KCNB2: variants seen among roughly 807,000 people sequenced by gnomAD.
KCNB2 encodes potassium voltage-gated channel subfamily B member 2, also known as delayed rectifier potassium channel protein.
Under a neutral mutation model 61.5 loss-of-function variants are expected in KCNB2, and 15 were observed. The observed-to-expected ratio is 0.24, with a 90% CI of 0.16 to 0.38. The LOEUF (loss-of-function observed/expected upper bound fraction) is 0.38, where lower values mean the gene tolerates loss of function less well. Ranked by LOEUF, KCNB2 falls within the 10% of genes least tolerant of loss-of-function variation. KCNB2 has a pLI of 1.00. For missense variants in KCNB2, 828 were observed against 1,125.2 expected, an observed-to-expected ratio of 0.74 and a Z score of 3.78; for synonymous variants, 457 against 446.0, an observed-to-expected ratio of 1.02 and a Z score of -0.31.
chr8:72,609,617 G>T (rs1229632176), intron 2 of KCNB2, among the ~76,000 whole-genome samples: 2 of 151,974 alleles, frequency 1.3e-5, no homozygotes, highest in African/African-American at 2.4e-5. Context: ...GATAATATCC[G>T]ATTTGGAATT....
At chr8:72,678,357 A>G (rs1806695706) in intron 2 of KCNB2, among the ~76,000 whole-genome samples, 1 of 152,126 alleles carries the variant, frequency 6.6e-6, no homozygotes, top group African/African-American at 2.4e-5. Context: ...ACTTCCATCC[A>G]AAGTCTTTAT....
At chr8:72,808,790 G>C (rs1025737373) in intron 2 of KCNB2, among the ~76,000 whole-genome samples, 1 of 152,068 alleles carries the variant, frequency 6.6e-6, no homozygotes, top group Non-Finnish European at 1.5e-5. Flanking sequence ...TCAGGGTCAT[G>C]TCCTAAGGGA....
intron 2 of KCNB2, among the ~76,000 whole-genome samples, chr8:72,809,275 A>C (rs1809269616): frequency 6.6e-6 from 1 of 152,194 alleles, no homozygotes; most frequent in Non-Finnish European, 1.5e-5. Flanking sequence ...TCTCTTTTCT[A>C]AGACAAACAC....
chr8:72,843,827 T>G (rs534640791), intron 2 of KCNB2, among the ~76,000 whole-genome samples: 1 of 152,326 alleles, frequency 6.6e-6, no homozygotes, highest in South Asian at 2.1e-4. Context: ...AGCCTATGTA[T>G]GTCTTTGAAC....
At chr8:72,620,815 C>T (rs1805703595) in intron 2 of KCNB2, among the ~76,000 whole-genome samples, 1 of 152,068 alleles carries the variant, frequency 6.6e-6, no homozygotes, top group Non-Finnish European at 1.5e-5. Flanking sequence ...ACCACGTTGG[C>T]CAGGCTGGTC....
intron 2 of KCNB2, among the ~76,000 whole-genome samples, chr8:72,648,220 G>A (rs1255258348): frequency 1.3e-5 from 2 of 152,124 alleles, no homozygotes; most frequent in Non-Finnish European, 2.9e-5. Context: ...ACAGATGCAG[G>A]GATGACAACA....
At chr8:72,690,700 AATAC>A (rs1366895261) in intron 2 of KCNB2, among the ~76,000 whole-genome samples, 1 of 152,238 alleles carries the variant, frequency 6.6e-6, no homozygotes, top group Admixed American at 6.5e-5. Flanking sequence ...TGTTTTATTA[AATAC>A]ATAGCTATAC....
At chr8:72,840,687 T>C (rs544420473) in intron 2 of KCNB2, among the ~76,000 whole-genome samples, 1 of 152,380 alleles carries the variant, frequency 6.6e-6, no homozygotes, top group East Asian at 1.9e-4. Flanking sequence ...CATATGTTTA[T>C]TGGCCACATA....
At chr8:72,866,728 A>G (rs1805528173) in intron 2 of KCNB2, among the ~76,000 whole-genome samples, 1 of 152,182 alleles carries the variant, frequency 6.6e-6, no homozygotes, top group Non-Finnish European at 1.5e-5. Context: ...TGCTATGGGC[A>G]CCTCTCATTT....
chr8:72,718,253 T>C (rs1807481280), intron 2 of KCNB2, among the ~76,000 whole-genome samples: 2 of 152,212 alleles, frequency 1.3e-5, no homozygotes, highest in Non-Finnish European at 2.9e-5. Flanking sequence ...GAAGTCGGTG[T>C]GGGGATTCCT....
intron 2 of KCNB2, among the ~76,000 whole-genome samples, chr8:72,848,297 C>T (rs951315674): frequency 6.6e-6 from 1 of 152,174 alleles, no homozygotes; most frequent in African/African-American, 2.4e-5. Context: ...TTAGTAGCTA[C>T]TTGAATTGTT....
chr8:72,816,773 A>T (rs181397552), intron 2 of KCNB2, among the ~76,000 whole-genome samples: 83 of 152,320 alleles, frequency 5.4e-4, no homozygotes, highest in African/African-American at 1.9e-3. Context: ...AAATGGAATT[A>T]AATGTTAATT....
At chr8:72,556,716 T>C (rs1806434278) in intron 1 of KCNB2, among the ~76,000 whole-genome samples, 1 of 151,944 alleles carries the variant, frequency 6.6e-6, no homozygotes, top group Non-Finnish European at 1.5e-5. Context: ...TGAGTATGAG[T>C]AGTCAGGGAA....
chr8:72,927,104 T>A (rs1806665797), intron 2 of KCNB2, among the ~76,000 whole-genome samples: 2 of 152,110 alleles, frequency 1.3e-5, no homozygotes, highest in African/African-American at 2.4e-5. Context: ...AGTTACCACA[T>A]AAAGCCAGTG....
chr8:72,897,172 T>C (rs185533088), intron 2 of KCNB2, among the ~76,000 whole-genome samples: 1 of 152,238 alleles, frequency 6.6e-6, no homozygotes, highest in African/African-American at 2.4e-5. Context: ...TAATTTTGTC[T>C]AATCCCTTAC....
At chr8:72,726,208 C>A (rs1236275814) in intron 2 of KCNB2, among the ~76,000 whole-genome samples, 1 of 152,168 alleles carries the variant, frequency 6.6e-6, no homozygotes, top group Non-Finnish European at 1.5e-5. Context: ...AGCTTGCTCT[C>A]TATCTCATCC....
rs1809996086 is a variant in KCNB2, at chr8:72,846,476, C to A, written c.580-89459C>A. Among the ~76,000 whole-genome samples, 2 of 152,014 alleles carry A rather than the reference C, an allele frequency of 1.3e-5. 1 individual carries two copies. The highest frequency in any genetic ancestry group is 4.8e-5 in the African/African-American group (2 of 41,370). ...AACTACCATCAGAGTGAACAGGCAACCTATAGAGTGGGAGAAATTTTTTAC... is the reference window on the plus strand; with the variant it reads ...AACTACCATCAGAGTGAACAGGCAAACTATAGAGTGGGAGAAATTTTTTAC... On this transcript the variant is annotated intron_variant, in intron 2 of 2. Coordinates refer to ENST00000523207, the MANE Select transcript of KCNB2 (RefSeq NM_004770.3).
intron 2 of KCNB2, among the ~76,000 whole-genome samples, chr8:72,842,300 G>C (rs1385387217): frequency 6.6e-5 from 10 of 152,150 alleles, no homozygotes; most frequent in Non-Finnish European, 1.5e-4. Flanking sequence ...GAACATGGTG[G>C]ATAAGCTTTT....
chr8:72,553,516 T>C (rs932429201), intron 1 of KCNB2, among the ~76,000 whole-genome samples: 1 of 152,156 alleles, frequency 6.6e-6, no homozygotes, highest in African/African-American at 2.4e-5. Context: ...TCCCAGTTCA[T>C]AAAATCGTGA....
Sources: gnomAD v4.1 joint callset for allele counts (sites outside exome capture counted in the v4.1 genomes callset) on GRCh38, gnomAD v4.1.1 for gene constraint, MANE v1.5 for transcripts, NCBI Gene and HGNC (gene_info 2026-07-23, HGNC 2026-07-21) for gene names.